Variants in SYT1 observed in about 807,000 individuals in gnomAD.
SYT1 encodes the protein synaptotagmin 1, also known as synaptotagmin-1.
SYT1 carries 8 observed loss-of-function variants against 44.8 expected under a neutral mutation model. The observed-to-expected ratio is 0.18, with a 90% CI of 0.10 to 0.32. The LOEUF is 0.32. SYT1 is among the 10% of genes least tolerant of loss of function. The probability of loss-of-function intolerance (pLI) is 1.00; values close to 1 mark genes in which losing one functional copy is unlikely to be tolerated. For synonymous variants in SYT1, 154 were observed against 188.8 expected (o/e 0.82, Z 1.51); for missense variants, 286 against 509.3 (o/e 0.56, Z 4.22).
intron 9 of SYT1, among the ~76,000 whole-genome samples, chr12:79,408,454 G>A (rs1397003303): frequency 2.6e-5 from 4 of 152,110 alleles, no homozygotes; most frequent in South Asian, 2.1e-4. Flanking sequence ...AGCAAGGATC[G>A]GAGATACAGT....
intron 2 of SYT1, among the ~76,000 whole-genome samples, chr12:78,995,373 G>A (rs1432571656): frequency 6.6e-6 from 1 of 152,140 alleles, no homozygotes; most frequent in African/African-American, 2.4e-5. Flanking sequence ...TCAGAGTAGA[G>A]CTCAGATCTC....
intron 1 of SYT1, among the ~76,000 whole-genome samples, chr12:78,876,817 T>TAATATATATTATATGTATTATATATTA (rs372012277): frequency 0.024 from 729 of 29,828 alleles, 5 homozygotes; most frequent in Non-Finnish European, 0.036. Flanking sequence ...GTAATACATA[T>TAATATATATTATATGTATTATATATTA]CATATATTAT....
At chr12:78,882,337 A>G (rs1211366727) in intron 1 of SYT1, among the ~76,000 whole-genome samples, 1 of 151,768 alleles carries the variant, frequency 6.6e-6, no homozygotes, top group Non-Finnish European at 1.5e-5. Flanking sequence ...GGCTTGGTTA[A>G]AATAGAAAGC....
chr12:79,184,090 A>G (rs1050163667), intron 3 of SYT1, among the ~76,000 whole-genome samples: 1 of 152,070 alleles, frequency 6.6e-6, no homozygotes, highest in African/African-American at 2.4e-5. Flanking sequence ...TTCTGTCATT[A>G]TGTTGCTATG....
At chr12:78,985,555 G>T (rs1453127448) in intron 2 of SYT1, among the ~76,000 whole-genome samples, 2 of 151,612 alleles carry the variant, frequency 1.3e-5, no homozygotes, top group East Asian at 3.9e-4. Flanking sequence ...TTGTCACCCT[G>T]ATCACCATTG....
At chr12:79,131,434 A>G (rs1868815937) in intron 3 of SYT1, among the ~76,000 whole-genome samples, 1 of 152,052 alleles carries the variant, frequency 6.6e-6, no homozygotes, top group Non-Finnish European at 1.5e-5. Flanking sequence ...TGTTGTGATA[A>G]CTTAAAAATC....
At chr12:79,398,079 C>G (rs1347700867) in intron 9 of SYT1, among the ~76,000 whole-genome samples, 1 of 152,154 alleles carries the variant, frequency 6.6e-6, no homozygotes, top group Non-Finnish European at 1.5e-5. Flanking sequence ...ATATGTTTTT[C>G]CTGTTCCACC....
At chr12:79,442,059 TATC>T (rs1162612007) in intron 9 of SYT1, among the ~76,000 whole-genome samples, 1 of 152,238 alleles carries the variant, frequency 6.6e-6, no homozygotes, top group Non-Finnish European at 1.5e-5. Flanking sequence ...GGTTTTTTCT[TATC>T]ACTTATTGTG....
chr12:79,169,438 A>G (rs1273516472), intron 3 of SYT1, among the ~76,000 whole-genome samples: 1 of 152,042 alleles, frequency 6.6e-6, no homozygotes, highest in African/African-American at 2.4e-5. Flanking sequence ...AATATATACA[A>G]TCTTATTTAG....
At chr12:79,217,368 C>T (rs1403333034) in intron 3 of SYT1, 135 bp from the exon 4 acceptor site, 2 of 663,262 alleles carry the variant, frequency 3.0e-6, no homozygotes, top group East Asian at 6.3e-5. Context: ...CAACACAAAG[C>T]AATATGCTAA....
chr12:78,954,285 T>C (rs1879107536), intron 1 of SYT1, among the ~76,000 whole-genome samples: 1 of 152,150 alleles, frequency 6.6e-6, no homozygotes, highest in South Asian at 2.1e-4. Flanking sequence ...AAAATAAATC[T>C]GCTGCAAATT....
chr12:79,444,249 C>T (rs1360737784), intron 10 of SYT1, 43 bp downstream of exon 10: 2 of 1,606,550 alleles, frequency 1.2e-6, no homozygotes, highest in Admixed American at 3.4e-5. Context: ...AATTTCATTC[C>T]TTCAGACCAC....
chr12:79,273,642 C>T (rs1421864932), intron 4 of SYT1, among the ~76,000 whole-genome samples: 1 of 152,068 alleles, frequency 6.6e-6, no homozygotes, highest in African/African-American at 2.4e-5. Flanking sequence ...TTGTGAGCAG[C>T]GAGGAGGATA....
chr12:78,885,352 GAAC>G (rs1874684016), intron 1 of SYT1, among the ~76,000 whole-genome samples: 6 of 70,368 alleles, frequency 8.5e-5, no homozygotes, highest in African/African-American at 4.0e-4. Flanking sequence ...AGGAAGGAAG[GAAC>G]GAAGGAAGGA....
intron 3 of SYT1, among the ~76,000 whole-genome samples, chr12:79,179,551 A>ATAGATATG (rs1207781312): frequency 0.016 from 2,116 of 134,654 alleles, 140 homozygotes; most frequent in African/African-American, 0.029. Flanking sequence ...ATAGAGATAT[A>ATAGATATG]GATATAGATT....
intron 3 of SYT1, among the ~76,000 whole-genome samples, chr12:79,146,422 A>G (rs531901288): frequency 6.6e-6 from 1 of 152,316 alleles, no homozygotes; most frequent in East Asian, 1.9e-4. Context: ...GAGGCCTAAG[A>G]AAGTTCATTA....
chr12:79,228,524 C>T (rs1875663322), intron 4 of SYT1, among the ~76,000 whole-genome samples: 1 of 152,056 alleles, frequency 6.6e-6, no homozygotes, highest in Non-Finnish European at 1.5e-5. Flanking sequence ...CCTCTTCTTT[C>T]CTCCCCTTCT....
chr12:79,014,893 G>A (rs559578432), intron 2 of SYT1, among the ~76,000 whole-genome samples: 3 of 151,990 alleles, frequency 2.0e-5, no homozygotes, highest in African/African-American at 7.3e-5. Flanking sequence ...AAAAAATGAT[G>A]AGTTCATGTC....
chr12:79,308,546 A>AGAC (rs1880542512), intron 8 of SYT1, among the ~76,000 whole-genome samples: 1 of 148,482 alleles, frequency 6.7e-6, no homozygotes, highest in East Asian at 2.0e-4. Flanking sequence ...GAAAGAAAGA[A>AGAC]AGAAAAAAGA....
Sources: gnomAD v4.1 joint callset for allele counts (sites outside exome capture counted in the v4.1 genomes callset) on GRCh38, gnomAD v4.1.1 for gene constraint, MANE v1.5 for transcripts, NCBI Gene and HGNC (gene_info 2026-07-23, HGNC 2026-07-21) for gene names.